TXNDC16: variants seen among roughly 807,000 people sequenced by gnomAD.
The protein encoded by TXNDC16 is thioredoxin domain containing 16, also known as thioredoxin domain-containing protein 16.
Under a neutral mutation model 85.6 loss-of-function variants are expected in TXNDC16, and 74 were observed. That is an observed-to-expected ratio of 0.86 (90% CI 0.72 to 1.05). The LOEUF (loss-of-function observed/expected upper bound fraction) is 1.05. Among genes scored for constraint, TXNDC16 ranks in the 50% least tolerant of loss-of-function variants. The pLI, the probability that TXNDC16 is intolerant of heterozygous loss-of-function variation, is 0.00. For synonymous variants in TXNDC16, 335 were observed against 326.5 expected, an observed-to-expected ratio of 1.03 and a Z score of -0.28; for missense variants, 959 against 947.0, an observed-to-expected ratio of 1.01 and a Z score of -0.17.
At chr14:52,443,421 T>C (rs1435467012) in intron 18 of TXNDC16, among the ~76,000 whole-genome samples, 1 of 152,186 alleles carries the variant, frequency 6.6e-6, no homozygotes, top group Non-Finnish European at 1.5e-5. Flanking sequence ...ATCCTATTAG[T>C]TCTGTCCGTC....
rs146544965 is a variant in TXNDC16 at position 52,514,897 on chromosome 14, G to A, written c.588C>T (p.Ala196=). The change falls in exon 8 of 21, where the codon GCC becomes GCT. Residue 196 remains alanine, a synonymous_variant. Coordinates refer to ENST00000281741, the MANE Select transcript of TXNDC16 (RefSeq NM_020784.3). Reference sequence around the variant, plus strand: ...ATACATACCCAATACTTTCCAAAAGGGCAATTTCTGTGGTTAAGACAAATT... The same window carrying A: ...ATACATACCCAATACTTTCCAAAAGAGCAATTTCTGTGGTTAAGACAAATT... The part of the protein sequence containing the change: ...TYQFVLTTEI[A]LLESIGSEDV... 3.0e-5 allele frequency: 48 copies of A among 1,611,384 alleles called. No homozygotes were observed. The highest frequency in any genetic ancestry group is 4.1e-5 in the Non-Finnish European group (48 of 1,178,522).
At chr14:52,507,829 T>C (rs765668808) in intron 9 of TXNDC16, among the ~76,000 whole-genome samples, 1 of 152,220 alleles carries the variant, frequency 6.6e-6, no homozygotes. Flanking sequence ...ATTCCCTATT[T>C]AATAAATGGT....
In TXNDC16 at chr14:52,441,082, A is replaced by G. The variant is rs570423268; in HGVS notation, c.1843-358T>C. On this transcript the variant is annotated intron_variant, in intron 18 of 20. Coordinates refer to ENST00000281741, the MANE Select transcript of TXNDC16 (RefSeq NM_020784.3). Reference sequence around the variant, plus strand: ...TTGTTATATTTTTTCCTCTAACATAACAATTTTGAAGAAAACTGTAAGCTG... The same window carrying G: ...TTGTTATATTTTTTCCTCTAACATAGCAATTTTGAAGAAAACTGTAAGCTG... Among the ~76,000 whole-genome samples the G allele has an allele frequency of 1.4e-4, 21 of 152,264 alleles. No individual in the cohort carries two copies. The East Asian group carries it at 4.0e-3, about 29-fold the overall frequency.
At chr14:52,469,017 G>GA (rs956271811) in intron 16 of TXNDC16, among the ~76,000 whole-genome samples, 5 of 150,544 alleles carry the variant, frequency 3.3e-5, no homozygotes, top group African/African-American at 4.9e-5. Flanking sequence ...CATACAGAAG[G>GA]AAAAAAAAAG....
At chr14:52,515,024 C>G in intron 7 of TXNDC16, 54 bp from the exon 8 acceptor site, 2 of 1,297,722 alleles carry the variant, frequency 1.5e-6, no homozygotes, top group Non-Finnish European at 2.2e-6. Context: ...TTGTGTGACT[C>G]TATGTAAACT....
intron 16 of TXNDC16, among the ~76,000 whole-genome samples, chr14:52,459,751 G>C (rs1373652349): frequency 6.6e-6 from 1 of 152,174 alleles, no homozygotes; most frequent in African/African-American, 2.4e-5. Context: ...GGGATGCAAG[G>C]TTAGTTCAAC....
intron 6 of TXNDC16, 60 bp from the exon 7 acceptor site, chr14:52,519,353 C>T: frequency 7.5e-7 from 1 of 1,331,984 alleles, no homozygotes; most frequent in Non-Finnish European, 1.0e-6. Context: ...TTACACCACA[C>T]TTCTGTTAAA....
At chr14:52,506,944 C>A (rs930153483) in intron 9 of TXNDC16, among the ~76,000 whole-genome samples, 3 of 151,684 alleles carry the variant, frequency 2.0e-5, no homozygotes, top group Non-Finnish European at 4.4e-5. Context: ...ATGACAAACC[C>A]ACAGCCAATA....
chr14:52,519,347 A>G, intron 6 of TXNDC16, 54 bp from the exon 7 acceptor site: 1 of 1,373,308 alleles, frequency 7.3e-7, no homozygotes, highest in Non-Finnish European at 1.0e-6. Flanking sequence ...ATTTAGTTAC[A>G]CCACACTTCT....
At chr14:52,515,731 T>C (rs1405704345) in intron 7 of TXNDC16, among the ~76,000 whole-genome samples, 3 of 151,370 alleles carry the variant, frequency 2.0e-5, no homozygotes, top group South Asian at 2.1e-4. Flanking sequence ...ACTTAATATA[T>C]ATAATAAGAG....
At chr14:52,460,024 C>T (rs2035617856) in intron 16 of TXNDC16, among the ~76,000 whole-genome samples, 1 of 152,130 alleles carries the variant, frequency 6.6e-6, no homozygotes, top group East Asian at 1.9e-4. Flanking sequence ...TTTCACCACT[C>T]TTACCCAATG....
intron 12 of TXNDC16, among the ~76,000 whole-genome samples, chr14:52,485,623 T>C (rs1566553609): frequency 6.6e-6 from 1 of 152,228 alleles, no homozygotes; most frequent in Non-Finnish European, 1.5e-5. Flanking sequence ...GTTTTTATTG[T>C]ACCTCTTCTG....
chr14:52,546,153 G>A (rs897653025), intron 1 of TXNDC16, among the ~76,000 whole-genome samples: 1 of 152,040 alleles, frequency 6.6e-6, no homozygotes, highest in African/African-American at 2.4e-5. Context: ...CATGCATGGT[G>A]GCACACACCT....
intron 8 of TXNDC16, among the ~76,000 whole-genome samples, chr14:52,513,146 C>T (rs1363297544): frequency 6.6e-6 from 1 of 152,076 alleles, no homozygotes; most frequent in East Asian, 1.9e-4. Context: ...TCTTTTACTA[C>T]CTATCATAAA....
At chr14:52,441,733 T>C (rs2035170739) in intron 18 of TXNDC16, among the ~76,000 whole-genome samples, 1 of 152,204 alleles carries the variant, frequency 6.6e-6, no homozygotes, top group Non-Finnish European at 1.5e-5. Flanking sequence ...CTGCCTTTTT[T>C]CAGTTATTTT....
intron 12 of TXNDC16, among the ~76,000 whole-genome samples, chr14:52,485,258 T>G (rs2036241759): frequency 6.6e-6 from 1 of 152,206 alleles, no homozygotes; most frequent in Admixed American, 6.5e-5. Flanking sequence ...AACATAAAAG[T>G]TTTAAATGGA....
intron 4 of TXNDC16, among the ~76,000 whole-genome samples, chr14:52,539,708 T>C (rs1594765910): frequency 1.3e-5 from 2 of 152,184 alleles, no homozygotes; most frequent in South Asian, 2.1e-4. Flanking sequence ...AAAGTTCTCA[T>C]AGTAGAACCA....
intron 1 of TXNDC16, among the ~76,000 whole-genome samples, chr14:52,548,754 T>C (rs955503994): frequency 6.6e-6 from 1 of 151,452 alleles, no homozygotes; most frequent in Non-Finnish European, 1.5e-5. Context: ...TAGTGGCAGG[T>C]ACCTGTAATC....
At chr14:52,504,763 C>T (rs1295278343) in intron 9 of TXNDC16, among the ~76,000 whole-genome samples, 1 of 152,100 alleles carries the variant, frequency 6.6e-6, no homozygotes, top group East Asian at 1.9e-4. Context: ...CCAATTAAAA[C>T]ACACAGCCTG....
Sources: allele counts gnomAD v4.1 joint callset (sites outside exome capture counted in the v4.1 genomes callset), GRCh38; gene constraint gnomAD v4.1.1; transcripts MANE v1.5; gene names NCBI Gene and HGNC (gene_info 2026-07-23, HGNC 2026-07-21).